The following HSP90AA1 variants were observed in gnomAD, a reference collection of about 807,000 sequenced individuals.
HSP90AA1 encodes the protein heat shock protein HSP 90-alpha.
A neutral mutation model predicts 73.3 loss-of-function variants in HSP90AA1; 18 were observed. The observed-to-expected ratio is 0.25, with a 90% CI of 0.17 to 0.36. The LOEUF (loss-of-function observed/expected upper bound fraction) is 0.36, where lower values mean the gene tolerates loss of function less well. HSP90AA1 is among the 10% of genes least tolerant of loss of function. The pLI is 1.00. For missense variants in HSP90AA1, 704 were observed against 874.2 expected (o/e 0.81, Z 2.45); for synonymous variants, 477 against 296.9 (o/e 1.61, Z -6.24).
intron 1 of HSP90AA1, among the ~76,000 whole-genome samples, chr14:102,137,907 C>G (rs2050037175): frequency 6.6e-6 from 1 of 150,950 alleles, no homozygotes; most frequent in African/African-American, 2.4e-5. Flanking sequence ...CCCAGCTACT[C>G]GGGAGGCTGA....
At chr14:102,101,994 T>C (rs762291720) in exon 2 of HSP90AA1, 1 of 1,614,146 alleles carries the variant, frequency 6.2e-7, no homozygotes, top group Admixed American at 1.7e-5. Flanking sequence ...AAGGGCTGTT[T>C]CCAGAGACAG....
At chr14:102,138,330 C>A (rs893577774) in intron 1 of HSP90AA1, among the ~76,000 whole-genome samples, 15 of 151,930 alleles carry the variant, frequency 9.9e-5, no homozygotes, top group Non-Finnish European at 1.5e-5. Flanking sequence ...TTGTAAAATA[C>A]GTGTTTTCAA....
Position 102,085,764 on chromosome 14 carries a change from C to G in HSP90AA1, c.523G>C (p.Asp175His). The G allele has an allele frequency of 6.2e-7, 1 of 1,614,006 alleles. No individual in the cohort carries two copies. The highest frequency in any genetic ancestry group is 8.5e-7 in the Non-Finnish European group (1 of 1,179,864). Residue 175 changes from aspartate to histidine, a missense_variant, in exon 3 of 11, where the codon GAC (aspartate) becomes CAC (histidine). By Grantham distance (81) the Asp-to-His change is moderately conservative. Coordinates refer to ENST00000216281, the MANE Select transcript of HSP90AA1 (RefSeq NM_005348.4). ...TGAATGTTCAGGTGCCTACCTGTGT[C>G]TGTCCTCACTGTGAATGATCCCCCT... ...SAGGSFTVRT[D>H]TGEPMGRGTK...
chr14:102,082,022 C>A lies in HSP90AA1; in HGVS notation c.2089+89G>T, dbSNP rs866052286. The A allele has an allele frequency of 6.3e-6, 6 of 953,658 alleles. No homozygotes were observed. In the Middle Eastern group the frequency reaches 1.2e-3, roughly 198 times the overall value. 59.1% of individuals were successfully genotyped at this position (953,658 alleles called of 1,614,324 possible). A position where few individuals can be genotyped will look rare whatever the true frequency, so the allele number is the denominator to read the frequency against. ...TCCAAGCAGCAAGCAGGACAAGGTG[C>A]TCCAAGTTTGGATAACTGAAAGTTC... is the stretch of plus-strand genomic sequence containing the variant. On this transcript the variant is annotated intron_variant, in intron 10 of 10. Transcript: ENST00000216281.
intron 1 of HSP90AA1, among the ~76,000 whole-genome samples, chr14:102,104,925 G>A (rs189239485): frequency 4.6e-5 from 7 of 151,478 alleles, no homozygotes; most frequent in Admixed American, 6.6e-5. Flanking sequence ...TTGGCTTGGC[G>A]CAGTGGCTCA....
Position 102,093,123 on chromosome 14 carries a change from T to C in HSP90AA1, c.367-6745A>G, listed in dbSNP as rs141431629. 2.1e-3 allele frequency among the ~76,000 whole-genome samples: 315 copies of C among 151,912 alleles called. 1 individual carries two copies. The highest frequency in any genetic ancestry group is 7.2e-3 in the African/African-American group (298 of 41,416). ...AATGTTCAGGATCAACCTATAGTTATATAGGAAAATTAAGTGGTTCATACT... is the reference window on the plus strand; with the variant it reads ...AATGTTCAGGATCAACCTATAGTTACATAGGAAAATTAAGTGGTTCATACT... On this transcript the variant is annotated intron_variant, in intron 2 of 11. Transcript: ENST00000334701.
exon 1 of HSP90AA1, chr14:102,139,348 G>A: frequency 6.2e-7 from 1 of 1,611,798 alleles, no homozygotes; most frequent in Non-Finnish European, 8.5e-7. Flanking sequence ...GACAGTCCCT[G>A]TCCCGAAGGG....
At position 102,082,339 on chromosome 14, in the gene HSP90AA1, C is replaced by T. The variant is rs1380614455; in HGVS notation, c.1861G>A (p.Asp621Asn). 1 of 1,613,950 alleles carries T rather than the reference C, an allele frequency of 6.2e-7. No individual in the cohort carries two copies. The highest frequency in any genetic ancestry group is 8.5e-7 in the Non-Finnish European group (1 of 1,179,846). The change falls in exon 10 of 11, where the codon GAC becomes AAC. Residue 621 changes from aspartate to asparagine, a missense_variant. Asp to Asn is a conservative substitution (Grantham distance 23). Transcript: ENST00000216281. ...GCCATGTAACCCATTGTTGAGTTGT[C>T]TCTTAGGGCTTGAGCTTTCATGATT... The part of the protein sequence containing the change: ...ERIMKAQALR[D>N]NSTMGYMAAK...
intron 1 of HSP90AA1, among the ~76,000 whole-genome samples, chr14:102,123,754 T>C (rs1301803175): frequency 6.6e-6 from 1 of 152,092 alleles, no homozygotes; most frequent in Non-Finnish European, 1.5e-5. Context: ...CTGCAGTCAA[T>C]GAAATTAAAG....
At chr14:102,135,325 T>A (rs979627532) in intron 1 of HSP90AA1, among the ~76,000 whole-genome samples, 2 of 150,570 alleles carry the variant, frequency 1.3e-5, no homozygotes, top group African/African-American at 5.0e-5. Context: ...TTACAATCCC[T>A]GAGCTAGACA....
intron 9 of HSP90AA1, 177 bp from the exon 10 acceptor site, chr14:102,082,621 A>G (rs915901224): frequency 1.4e-5 from 9 of 634,308 alleles, no homozygotes; most frequent in African/African-American, 3.7e-5. Context: ...CATGTTTTAC[A>G]TGCACAATTT....
chr14:102,134,807 C>A (rs528637447), intron 1 of HSP90AA1, among the ~76,000 whole-genome samples: 1 of 152,296 alleles, frequency 6.6e-6, no homozygotes, highest in East Asian at 1.9e-4. Flanking sequence ...AACAAAGCTT[C>A]TACAGTGCGG....
chr14:102,089,791 C>G (rs888573832), upstream of HSP90AA1, among the ~76,000 whole-genome samples: 1 of 152,192 alleles, frequency 6.6e-6, no homozygotes, highest in African/African-American at 2.4e-5. Flanking sequence ...GGATCTGGCA[C>G]TGAGTCCTGC....
intron 1 of HSP90AA1, among the ~76,000 whole-genome samples, chr14:102,127,238 T>C (rs2049851327): frequency 6.6e-6 from 1 of 152,216 alleles, no homozygotes; most frequent in African/African-American, 2.4e-5. Flanking sequence ...GTCCTTGCTC[T>C]AATCTTTGCA....
At chr14:102,139,363 C>A (rs1377642859) in exon 1 of HSP90AA1, 16 of 1,606,928 alleles carry the variant, frequency 1.0e-5, no homozygotes, top group Non-Finnish European at 1.3e-5. Context: ...GAAGGGAGGG[C>A]CCAGGAGGGG....
chr14:102,117,481 C>T lies in HSP90AA1; in HGVS notation c.156-15396G>A, dbSNP rs1219378633. Among the ~76,000 whole-genome samples, 4 of 152,092 alleles carry T rather than the reference C, an allele frequency of 2.6e-5. No individual in the cohort carries two copies. The South Asian group carries it at 6.2e-4, about 24-fold the overall frequency. ...ATGACCAGCTGCAGAGATGAGCTAC[C>T]CTCCACGCTAGGAGCTAAACACTCC... On this transcript the variant is annotated intron_variant, in intron 1 of 11. Transcript: ENST00000334701.
chr14:102,138,349 AAC>A (rs1407777307), intron 1 of HSP90AA1, among the ~76,000 whole-genome samples: 2 of 152,226 alleles, frequency 1.3e-5, no homozygotes, highest in Non-Finnish European at 2.9e-5. Context: ...AATGTAAAAT[AAC>A]ACAGTTATGG....
intron 2 of HSP90AA1, among the ~76,000 whole-genome samples, chr14:102,098,620 C>T (rs187600328): frequency 1.7e-3 from 257 of 152,100 alleles, no homozygotes; most frequent in African/African-American, 5.9e-3. Flanking sequence ...TGTGCCACCA[C>T]ACCCCGCTAA....
intron 9 of HSP90AA1, 197 bp from the exon 10 acceptor site, chr14:102,082,641 GAT>G (rs1046933904): frequency 5.0e-6 from 3 of 602,708 alleles, no homozygotes; most frequent in South Asian, 3.9e-5. Flanking sequence ...TTTTTTTTGA[GAT>G]AGAGTCTCGC....
Sources: allele counts gnomAD v4.1 joint callset (sites outside exome capture counted in the v4.1 genomes callset), GRCh38; gene constraint gnomAD v4.1.1; transcripts MANE v1.5; gene names NCBI Gene and HGNC (gene_info 2026-07-23, HGNC 2026-07-21).